Variants in SDK1 observed in about 807,000 individuals in gnomAD.
SDK1 encodes the protein sidekick cell adhesion molecule 1.
A neutral mutation model predicts 245.5 loss-of-function variants in SDK1; 157 were observed. That is an observed-to-expected ratio of 0.64 (90% CI 0.56 to 0.73). The LOEUF (loss-of-function observed/expected upper bound fraction) is 0.73, where lower values mean the gene tolerates loss of function less well. Among genes scored for constraint, SDK1 ranks in the 30% least tolerant of loss-of-function variants. SDK1 has a pLI of 0.00. For missense variants in SDK1, 3,583 were observed against 3,002.3 expected (o/e 1.19, Z -4.52); for synonymous variants, 1,647 against 1,278.5 (o/e 1.29, Z -6.15).
chr7:3,747,304 G>T (rs184942611), intron 4 of SDK1, among the ~76,000 whole-genome samples: 1 of 152,294 alleles, frequency 6.6e-6, no homozygotes, highest in East Asian at 1.9e-4. Flanking sequence ...CAAGTCTTTA[G>T]AAAATAATGA....
intron 34 of SDK1, among the ~76,000 whole-genome samples, chr7:4,178,078 C>T (rs530752986): frequency 2.0e-4 from 31 of 152,202 alleles, no homozygotes; most frequent in Admixed American, 5.2e-4. Flanking sequence ...GGCAGTAATG[C>T]GAGGGATGGG....
At chr7:3,502,182 A>G (rs890259665) in intron 1 of SDK1, among the ~76,000 whole-genome samples, 4 of 152,032 alleles carry the variant, frequency 2.6e-5, no homozygotes, top group African/African-American at 9.7e-5. Flanking sequence ...AAGAATTTTG[A>G]CATTAGTAAA....
chr7:4,053,474 C>T (rs1779012860), intron 19 of SDK1, among the ~76,000 whole-genome samples: 1 of 152,120 alleles, frequency 6.6e-6, no homozygotes, highest in South Asian at 2.1e-4. Flanking sequence ...AATCTTTTTA[C>T]TATTGGATCC....
chr7:4,093,641 C>T (rs1781947520), intron 22 of SDK1, among the ~76,000 whole-genome samples: 1 of 152,116 alleles, frequency 6.6e-6, no homozygotes, highest in Non-Finnish European at 1.5e-5. Context: ...CCCAGGCGTC[C>T]CCAGGACGCT....
chr7:3,515,788 C>A (rs1174499740), intron 1 of SDK1, among the ~76,000 whole-genome samples: 1 of 152,134 alleles, frequency 6.6e-6, no homozygotes, highest in South Asian at 2.1e-4. Flanking sequence ...TTTAAAAATC[C>A]CAGTGGTACA....
intron 4 of SDK1, among the ~76,000 whole-genome samples, chr7:3,649,544 C>G (rs1782943962): frequency 6.6e-6 from 1 of 152,010 alleles, no homozygotes; most frequent in Non-Finnish European, 1.5e-5. Context: ...TTCATTCATT[C>G]AACATCATTT....
intron 13 of SDK1, among the ~76,000 whole-genome samples, chr7:3,986,824 C>T (rs1023505489): frequency 6.6e-6 from 1 of 152,216 alleles, no homozygotes; most frequent in African/African-American, 2.4e-5. Context: ...TGCATCACAG[C>T]ACTCCAGGCT....
At chr7:3,715,666 G>A (rs999243892) in intron 4 of SDK1, among the ~76,000 whole-genome samples, 2 of 152,104 alleles carry the variant, frequency 1.3e-5, no homozygotes, top group Non-Finnish European at 2.9e-5. Context: ...AACCCATCAG[G>A]CAACTGCCAT....
chr7:4,102,161 G>C (rs1344611578), intron 22 of SDK1, among the ~76,000 whole-genome samples: 1 of 152,114 alleles, frequency 6.6e-6, no homozygotes, highest in East Asian at 1.9e-4. Context: ...CGGCTTATGA[G>C]GTGTGCAAAC....
At chr7:3,617,815 G>C (rs1021651763) in intron 1 of SDK1, among the ~76,000 whole-genome samples, 18 of 152,126 alleles carry the variant, frequency 1.2e-4, no homozygotes, top group African/African-American at 3.6e-4. Context: ...TCAAGGTCCT[G>C]CCTCTTATTA....
At chr7:4,060,717 A>G (rs1181096862) in intron 19 of SDK1, among the ~76,000 whole-genome samples, 1 of 152,080 alleles carries the variant, frequency 6.6e-6, no homozygotes, top group Admixed American at 6.6e-5. Flanking sequence ...GTCCTTGCCC[A>G]TGCCTATGTC....
chr7:4,264,207 G>GGGGGAGGCCACGTAGACTTCTCCTGAGT (rs1788274517), intron 44 of SDK1, among the ~76,000 whole-genome samples: 1 of 16,864 alleles, frequency 5.9e-5, no homozygotes, highest in African/African-American at 9.4e-4. Context: ...TCTCCTGAGT[G>GGGGGAGGCCACGTAGACTTCTCCTGAGT]GGGGAGGCCG....
intron 1 of SDK1, among the ~76,000 whole-genome samples, chr7:3,302,735 C>T (rs920207698): frequency 3.3e-5 from 5 of 151,370 alleles, no homozygotes; most frequent in East Asian, 3.9e-4. Flanking sequence ...TATTTTAATA[C>T]GTCCTTTGGT....
chr7:3,306,304 T>G (rs1241814249), intron 1 of SDK1, among the ~76,000 whole-genome samples: 2 of 152,186 alleles, frequency 1.3e-5, no homozygotes, highest in Non-Finnish European at 2.9e-5. Flanking sequence ...ACTATCACCA[T>G]TTTGATGTAT....
intron 1 of SDK1, among the ~76,000 whole-genome samples, chr7:3,413,725 G>A (rs1779279476): frequency 6.6e-6 from 1 of 151,820 alleles, no homozygotes; most frequent in Admixed American, 6.6e-5. Flanking sequence ...GGCTGTGCAT[G>A]GTGGCTCACA....
At chr7:3,915,785 G>T (rs1322022511) in intron 5 of SDK1, among the ~76,000 whole-genome samples, 2 of 152,156 alleles carry the variant, frequency 1.3e-5, no homozygotes, top group African/African-American at 4.8e-5. Context: ...CTGACTGACT[G>T]GGTTTTACAC....
At chr7:3,807,094 T>G (rs1030299550) in intron 4 of SDK1, among the ~76,000 whole-genome samples, 1 of 152,156 alleles carries the variant, frequency 6.6e-6, no homozygotes, top group South Asian at 2.1e-4. Flanking sequence ...TTATAAAGCC[T>G]TACCTGGGAA....
intron 1 of SDK1, among the ~76,000 whole-genome samples, chr7:3,561,429 G>A (rs902985414): frequency 3.9e-5 from 6 of 152,088 alleles, no homozygotes; most frequent in African/African-American, 1.4e-4. Flanking sequence ...TCATAGGTGT[G>A]TTTCTACGTG....
chr7:3,439,343 A>C (rs955307959), intron 1 of SDK1, among the ~76,000 whole-genome samples: 1 of 152,204 alleles, frequency 6.6e-6, no homozygotes, highest in African/African-American at 2.4e-5. Flanking sequence ...TCAAGTCATC[A>C]TATATGAGTA....
Sources: gnomAD v4.1 joint callset for allele counts (sites outside exome capture counted in the v4.1 genomes callset) on GRCh38, gnomAD v4.1.1 for gene constraint, MANE v1.5 for transcripts, NCBI Gene and HGNC (gene_info 2026-07-23, HGNC 2026-07-21) for gene names.